DOCK8: variants seen among roughly 807,000 people sequenced by gnomAD.
DOCK8 encodes the protein dedicator of cytokinesis protein 8.
In DOCK8, 141 loss-of-function variants were observed where a neutral mutation model predicts 245.6. The ratio of observed to expected loss-of-function variants is 0.57; its 90% confidence interval spans 0.50 to 0.66. DOCK8 has a LOEUF of 0.66. DOCK8 is among the 30% of genes least tolerant of loss of function. The pLI, the probability that DOCK8 is intolerant of heterozygous loss-of-function variation, is 0.00. For synonymous variants in DOCK8, 1,168 were observed against 970.2 expected, an observed-to-expected ratio of 1.20 and a Z score of -3.79; for missense variants, 2,965 against 2,603.4, an observed-to-expected ratio of 1.14 and a Z score of -3.02.
At chr9:386,179 T>G in intron 22 of DOCK8, 152 bp from the exon 23 acceptor site, 1 of 666,300 alleles carries the variant, frequency 1.5e-6, no homozygotes, top group East Asian at 3.1e-5. Context: ...TGTCTTTGCT[T>G]TGTTTTATAT....
chr9:233,470 C>T (rs1085322), intron 1 of DOCK8, among the ~76,000 whole-genome samples: 84,106 of 151,618 alleles, frequency 0.55, 24,039 homozygotes, highest in East Asian at 0.79. Flanking sequence ...TTCTGTCTCA[C>T]TGATCTGTCT....
chr9:214,734 C>T (rs957193181), upstream of DOCK8: 6 of 1,518,256 alleles, frequency 4.0e-6, no homozygotes, highest in Non-Finnish European at 5.3e-6. Context: ...TGGGCCCACG[C>T]CCTCCTCGCC....
At chr9:398,718 G>T (rs2054583281) in intron 25 of DOCK8, among the ~76,000 whole-genome samples, 1 of 151,702 alleles carries the variant, frequency 6.6e-6, no homozygotes, top group East Asian at 1.9e-4. Context: ...ATCCTGATTG[G>T]ATTTTCTGTA....
chr9:387,682 T>C (rs2054012497), intron 23 of DOCK8, among the ~76,000 whole-genome samples: 1 of 152,156 alleles, frequency 6.6e-6, no homozygotes, highest in Non-Finnish European at 1.5e-5. Flanking sequence ...GGTACCAGGA[T>C]TTAACTATAA....
At chr9:431,996 T>C (rs2056730172) in intron 36 of DOCK8, among the ~76,000 whole-genome samples, 170 bp from the exon 37 acceptor site, 2 of 152,162 alleles carry the variant, frequency 1.3e-5, no homozygotes, top group Admixed American at 1.3e-4. Context: ...AACAACAATA[T>C]GAATGTTGTG....
intron 9 of DOCK8, 56 bp downstream of exon 9, chr9:328,227 C>T: frequency 6.4e-7 from 1 of 1,565,618 alleles, no homozygotes; most frequent in Middle Eastern, 1.7e-4. Flanking sequence ...TGTGTTGTTC[C>T]CAGCACATGT....
At position 229,627 on chromosome 9, in the gene DOCK8, A is replaced by C. The variant is rs560298123; in HGVS notation, c.53+14598A>C. On this transcript the variant is annotated intron_variant, in intron 1 of 47. Coordinates refer to ENST00000432829, the MANE Select transcript of DOCK8 (RefSeq NM_203447.4). ...AGAGTTACCAAGCTCTTTATTCTCA[A>C]GAGTTACCAAATAAGCTTAGAAACT... 2.8e-4 allele frequency among the ~76,000 whole-genome samples: 42 copies of C among 152,272 alleles called. No individual in the cohort carries two copies. The South Asian group carries it at 8.5e-3, about 31-fold the overall frequency.
At chr9:351,146 T>A (rs4740723) in intron 14 of DOCK8, among the ~76,000 whole-genome samples, 12 of 152,056 alleles carry the variant, frequency 7.9e-5, no homozygotes, top group African/African-American at 2.7e-4. Flanking sequence ...AGGGTCGGGG[T>A]TCCACCGGGA....
At chr9:415,097 C>A in intron 29 of DOCK8, 146 bp downstream of exon 29, 1 of 1,166,716 alleles carries the variant, frequency 8.6e-7, no homozygotes, top group Non-Finnish European at 1.3e-6. Context: ...CTCTTTAACA[C>A]TGGCCCCAAT....
intron 46 of DOCK8, among the ~76,000 whole-genome samples, chr9:455,275 C>T (rs2057599146): frequency 6.6e-6 from 1 of 152,182 alleles, no homozygotes; most frequent in Admixed American, 6.6e-5. Flanking sequence ...GGAAGGACTG[C>T]TTGAGCCCAG....
At chr9:254,203 G>A (rs117925012) in intron 1 of DOCK8, among the ~76,000 whole-genome samples, 1,628 of 152,258 alleles carry the variant, frequency 0.011, 15 homozygotes, top group Non-Finnish European at 0.017. Context: ...AAGAAGAATC[G>A]GGACAGCAAG....
At chr9:285,623 G>T (rs1445214952) in intron 2 of DOCK8, among the ~76,000 whole-genome samples, 2 of 152,206 alleles carry the variant, frequency 1.3e-5, no homozygotes, top group Middle Eastern at 3.4e-3. Flanking sequence ...TCACAGAAAA[G>T]AAAATATATT....
At chr9:241,739 G>T (rs2047378040) in intron 1 of DOCK8, among the ~76,000 whole-genome samples, 1 of 152,154 alleles carries the variant, frequency 6.6e-6, no homozygotes, top group African/African-American at 2.4e-5. Context: ...TAAATTCCCA[G>T]GAGTGGGATT....
rs1263070321 is a variant in DOCK8, at chr9:340,478, G to A, written c.1679+157G>A. The A allele has an allele frequency of 2.2e-5, 20 of 913,504 alleles. No homozygotes were observed. In the East Asian group the frequency reaches 5.2e-4, roughly 24 times the overall value. The allele number at this position is 913,504 out of a possible 1,614,324, so 56.6% of individuals were successfully genotyped here. A position where few individuals can be genotyped will look rare whatever the true frequency, so the allele number is the denominator to read the frequency against. ...TCTACAACATATACAAAATTTAGCT[G>A]GGCATGGTGGTGCATGCTTGTAATC... On this transcript the variant is annotated intron_variant, in intron 14 of 47. Transcript: ENST00000432829.
rs1452099781 is a variant in DOCK8, at chr9:386,369, C to G, written c.2817C>G (p.Cys939Trp). The change falls in exon 23 of 48, where the codon TGC becomes TGG. Residue 939 changes from cysteine to tryptophan, a missense_variant. Coordinates refer to ENST00000432829, the MANE Select transcript of DOCK8 (RefSeq NM_203447.4). ...ACTGCAGCCGAATGTCTTACTATTG[C>G]TCTGGCAGTAGTGATGCTCCAAGTT... ...DRNCSRMSYY[C>W]SGSSDAPSSP... 6.2e-7 allele frequency: 1 copy of G among 1,613,876 alleles called. No homozygotes were observed. Among genetic ancestry groups the G allele is most frequent in the East Asian group, 2.2e-5 (1 of 44,892 alleles).
At chr9:304,885 CAAAT>C (rs2049742348) in intron 5 of DOCK8, among the ~76,000 whole-genome samples, 181 bp downstream of exon 5, 1 of 151,704 alleles carries the variant, frequency 6.6e-6, no homozygotes, top group African/African-American at 2.4e-5. Flanking sequence ...AATTGGTGTT[CAAAT>C]GAAAACCCAG....
intron 46 of DOCK8, 91 bp from the exon 47 acceptor site, chr9:463,426 T>G (rs2057867193): frequency 6.5e-7 from 1 of 1,528,598 alleles, no homozygotes; most frequent in Admixed American, 1.8e-5. Flanking sequence ...TTCTTAAAGT[T>G]ATTCGAAAAA....
chr9:426,169 C>CA (rs981404838), intron 33 of DOCK8, among the ~76,000 whole-genome samples: 47 of 151,550 alleles, frequency 3.1e-4, no homozygotes, highest in African/African-American at 9.2e-4. Context: ...GATGGGCTAG[C>CA]AAAAAAAACC....
chr9:371,575 T>C lies in DOCK8; in HGVS notation c.2007+9T>C. 6.2e-7 allele frequency: 1 copy of C among 1,614,186 alleles called. No individual in the cohort carries two copies. Among genetic ancestry groups the C allele is most frequent in the Non-Finnish European group, 8.5e-7 (1 of 1,180,014 alleles). On this transcript the variant is annotated intron_variant, in intron 17 of 47. Coordinates refer to ENST00000432829, the MANE Select transcript of DOCK8 (RefSeq NM_203447.4). ...CTCTCCTGGGATATTCAGTGAGTTG[T>C]TTCCAGCCTGCTGACTCACACTGCA...
Sources: allele counts gnomAD v4.1 joint callset (sites outside exome capture counted in the v4.1 genomes callset), GRCh38; gene constraint gnomAD v4.1.1; transcripts MANE v1.5; gene names NCBI Gene and HGNC (gene_info 2026-07-23, HGNC 2026-07-21).